Variants in CLEC16A observed in about 807,000 individuals in gnomAD.
CLEC16A encodes the protein protein CLEC16A.
CLEC16A carries 51 observed loss-of-function variants against 109.5 expected under a neutral mutation model. That is an observed-to-expected ratio of 0.47 (90% CI 0.37 to 0.59). The LOEUF (loss-of-function observed/expected upper bound fraction) is 0.59, where lower values mean the gene tolerates loss of function less well. CLEC16A is among the 20% of genes least tolerant of loss of function. CLEC16A has a pLI of 0.00. For missense variants in CLEC16A, 1,339 were observed against 1,394.0 expected (o/e 0.96, Z 0.63); for synonymous variants, 673 against 564.2 (o/e 1.19, Z -2.73).
intron 19 of CLEC16A, among the ~76,000 whole-genome samples, chr16:11,079,650 T>C (rs994010332): frequency 7.9e-5 from 12 of 152,348 alleles, no homozygotes; most frequent in Middle Eastern, 6.8e-3. Context: ...TAATACACTT[T>C]GCATTTTTCT....
In CLEC16A at chr16:11,051,644, G is replaced by T; in HGVS notation, c.1995+3G>T. The T allele has an allele frequency of 6.2e-7, 1 of 1,613,724 alleles. No individual in the cohort carries two copies. The highest frequency in any genetic ancestry group is 8.5e-7 in the Non-Finnish European group (1 of 1,179,638). ...GCGATGTGGAGAAGACCCGGCGGGT[G>T]AGTGAGCACAGGACCTGTCATCTCC... On this transcript the variant is annotated splice_donor_region_variant and intron_variant, in intron 18 of 23. Transcript: ENST00000409790.
chr16:11,071,567 T>C (rs990754494), intron 19 of CLEC16A, among the ~76,000 whole-genome samples: 16 of 151,886 alleles, frequency 1.1e-4, no homozygotes, highest in Non-Finnish European at 2.4e-4. Context: ...TGGATTGTGA[T>C]TGAGTAATAT....
At chr16:11,152,619 G>A (rs1022479675) in intron 22 of CLEC16A, among the ~76,000 whole-genome samples, 1 of 152,188 alleles carries the variant, frequency 6.6e-6, no homozygotes, top group Non-Finnish European at 1.5e-5. Flanking sequence ...CTGTAGATAG[G>A]GTTGTTTTGT....
At chr16:11,177,612 A>AT (rs1715265459) in intron 23 of CLEC16A, among the ~76,000 whole-genome samples, 1 of 151,906 alleles carries the variant, frequency 6.6e-6, no homozygotes, top group Non-Finnish European at 1.5e-5. Flanking sequence ...GAAAAAAAAA[A>AT]AAAAAAGCAC....
intron 1 of CLEC16A, among the ~76,000 whole-genome samples, chr16:10,956,934 A>G (rs1256212108): frequency 1.3e-5 from 2 of 151,988 alleles, no homozygotes; most frequent in Non-Finnish European, 2.9e-5. Context: ...AGTAGCTGGG[A>G]TTACAGACTT....
rs78215629 is a variant in CLEC16A, at chr16:10,956,660, C to T, written c.81-1122C>T. Among the ~76,000 whole-genome samples, 449 of 152,300 alleles carry T rather than the reference C, an allele frequency of 2.9e-3. 2 individuals are homozygous for T. Among genetic ancestry groups the T allele is most frequent in the Non-Finnish European group, 5.4e-3 (366 of 68,036 alleles). ...TCCCCGCGCTGCTCAGGACTGGCCT[C>T]GGTGATTCTTTTGGTCTCCCCCACC... is the stretch of plus-strand genomic sequence containing the variant. On this transcript the variant is annotated intron_variant, in intron 1 of 23. Coordinates refer to ENST00000409790, the MANE Select transcript of CLEC16A (RefSeq NM_015226.3).
At chr16:11,034,104 C>G (rs909373232) in intron 13 of CLEC16A, among the ~76,000 whole-genome samples, 2 of 152,098 alleles carry the variant, frequency 1.3e-5, no homozygotes, top group Non-Finnish European at 2.9e-5. Context: ...CATGGATGAG[C>G]GATATGGAAA....
At chr16:11,065,739 C>T (rs2048721542) in intron 19 of CLEC16A, among the ~76,000 whole-genome samples, 1 of 152,148 alleles carries the variant, frequency 6.6e-6, no homozygotes, top group Non-Finnish European at 1.5e-5. Flanking sequence ...CCAGGAGGGA[C>T]CAGAAGCTTC....
At chr16:10,971,414 T>G (rs934265264) in intron 5 of CLEC16A, 184 bp downstream of exon 5, 1 of 464,810 alleles carries the variant, frequency 2.2e-6, no homozygotes, top group African/African-American at 2.1e-5. Context: ...ATGGAAATCC[T>G]TGCCTTCTCC....
At chr16:11,019,761 C>G (rs1056591746) in intron 11 of CLEC16A, among the ~76,000 whole-genome samples, 3 of 140,276 alleles carry the variant, frequency 2.1e-5, no homozygotes, top group Non-Finnish European at 4.6e-5. Context: ...AAGAGCGAGA[C>G]TCTGTCTCAA....
chr16:10,946,108 CGGG>C (rs2041352077), intron 1 of CLEC16A, among the ~76,000 whole-genome samples: 1 of 151,902 alleles, frequency 6.6e-6, no homozygotes, highest in Admixed American at 6.6e-5. Flanking sequence ...AGGGAAATGG[CGGG>C]GATGCTGAAG....
intron 19 of CLEC16A, among the ~76,000 whole-genome samples, chr16:11,077,852 C>T (rs1015931207): frequency 3.9e-5 from 6 of 152,012 alleles, no homozygotes; most frequent in Non-Finnish European, 8.8e-5. Flanking sequence ...GGCGCGGTGG[C>T]TCATGCCGGT....
At chr16:10,965,127 C>A (rs180716957) in intron 3 of CLEC16A, among the ~76,000 whole-genome samples, 11 of 152,310 alleles carry the variant, frequency 7.2e-5, no homozygotes, top group Non-Finnish European at 1.3e-4. Context: ...TAATTGAGAT[C>A]ATGCAGTATG....
At chr16:10,962,966 G>A (rs2042323601) in intron 3 of CLEC16A, among the ~76,000 whole-genome samples, 1 of 152,152 alleles carries the variant, frequency 6.6e-6, no homozygotes, top group Non-Finnish European at 1.5e-5. Context: ...GGCTGAGGCA[G>A]GAAGATTGTT....
intron 22 of CLEC16A, among the ~76,000 whole-genome samples, chr16:11,130,199 C>T (rs542616551): frequency 6.6e-6 from 1 of 152,304 alleles, no homozygotes; most frequent in South Asian, 2.1e-4. Flanking sequence ...TGCATCTCAG[C>T]GCCTAGCTCT....
rs188097842 is a variant in CLEC16A, at chr16:10,968,289, A to G, written c.344-872A>G. Among the ~76,000 whole-genome samples the G allele has an allele frequency of 1.4e-3, 217 of 152,354 alleles. 1 individual carries two copies. The highest frequency in any genetic ancestry group is 0.013 in the Admixed American group (201 of 15,310). On this transcript the variant is annotated intron_variant, in intron 3 of 23. Coordinates refer to ENST00000409790, the MANE Select transcript of CLEC16A (RefSeq NM_015226.3). Reference sequence around the variant, plus strand: ...GTTTTTGCCGGCCAGCACAGCTTTAAAAGCTAGTTGATTTCAGTGGCAAAC... The same window carrying G: ...GTTTTTGCCGGCCAGCACAGCTTTAGAAGCTAGTTGATTTCAGTGGCAAAC...
intron 19 of CLEC16A, among the ~76,000 whole-genome samples, chr16:11,077,490 GAAAGAA>G (rs1463621354): frequency 1.4e-5 from 2 of 142,418 alleles, no homozygotes; most frequent in Non-Finnish European, 3.0e-5. Context: ...AAAAAAAAAA[GAAAGAA>G]AAGAAAAAAC....
At chr16:11,131,501 T>C (rs1019428031) in intron 22 of CLEC16A, among the ~76,000 whole-genome samples, 1 of 152,128 alleles carries the variant, frequency 6.6e-6, no homozygotes, top group African/African-American at 2.4e-5. Flanking sequence ...CAGAGCTGCT[T>C]ACAGGTGTTA....
intron 9 of CLEC16A, among the ~76,000 whole-genome samples, chr16:10,979,759 C>T (rs1035831381): frequency 6.6e-6 from 1 of 152,160 alleles, no homozygotes; most frequent in African/African-American, 2.4e-5. Context: ...GAACCCACAG[C>T]GTGCATACAC....
Sources: allele counts gnomAD v4.1 joint callset (sites outside exome capture counted in the v4.1 genomes callset), GRCh38; gene constraint gnomAD v4.1.1; transcripts MANE v1.5; gene names NCBI Gene and HGNC (gene_info 2026-07-23, HGNC 2026-07-21).